Variants in ANKRD26 observed in about 807,000 individuals in gnomAD.
ANKRD26 encodes ankyrin repeat domain 26, also known as ankyrin repeat domain-containing protein 26.
In ANKRD26, 141 loss-of-function variants were observed where a neutral mutation model predicts 208.7. The ratio of observed to expected loss-of-function variants is 0.68; its 90% confidence interval spans 0.59 to 0.78. The LOEUF (loss-of-function observed/expected upper bound fraction) is 0.78, where lower values mean the gene tolerates loss of function less well. Ranked by LOEUF, ANKRD26 falls within the 30% of genes least tolerant of loss-of-function variation. The pLI, the probability that ANKRD26 is intolerant of heterozygous loss-of-function variation, is 0.00. For synonymous variants in ANKRD26, 636 were observed against 660.4 expected, an observed-to-expected ratio of 0.96 and a Z score of 0.57; for missense variants, 1,889 against 1,938.7, an observed-to-expected ratio of 0.97 and a Z score of 0.48.
At chr10:26,967,721 T>G in the ANKRD26 span, among the ~76,000 whole-genome samples, 1 of 152,176 alleles carries the variant, frequency 6.6e-6, no homozygotes, top group African/African-American at 2.4e-5. Context: ...CCCAAACTTG[T>G]ACATCCTACC....
chr10:27,056,169 A>T (rs2135408146), intron 15 of ANKRD26, among the ~76,000 whole-genome samples: 1 of 152,220 alleles, frequency 6.6e-6, no homozygotes, highest in South Asian at 2.1e-4. Context: ...TTCGCTAAAA[A>T]TGATTCTTTT....
chr10:27,003,997 T>C (rs1339488271), downstream of ANKRD26: 1 of 152,212 alleles, frequency 6.6e-6, no homozygotes. Context: ...GATATTAACA[T>C]TGAACCAGTG....
At chr10:27,053,255 C>T in intron 16 of ANKRD26, 65 bp downstream of exon 16, 1 of 1,142,488 alleles carries the variant, frequency 8.8e-7, no homozygotes, top group East Asian at 2.4e-5. Context: ...TTCATTTGGA[C>T]TATGTTACAT....
Position 27,060,837 on chromosome 10 carries a change from G to A in ANKRD26, c.1463-297C>T, listed in dbSNP as rs188442623. On this transcript the variant is annotated intron_variant, in intron 13 of 33. Coordinates refer to ENST00000376087, the MANE Select transcript of ANKRD26 (RefSeq NM_014915.3). ...ATATACCAATGTGAGCATGCTGGTC[G>A]ATGTGGAGAAAAGTAATCTTTAATT... is the stretch of plus-strand genomic sequence containing the variant. Among the ~76,000 whole-genome samples, 28 of 152,298 alleles carry A rather than the reference G, an allele frequency of 1.8e-4. No individual in the cohort carries two copies. In the East Asian group the frequency reaches 4.6e-3, roughly 25 times the overall value.
At chr10:27,048,568 C>CT (rs1431236717) in intron 17 of ANKRD26, among the ~76,000 whole-genome samples, 1 of 151,968 alleles carries the variant, frequency 6.6e-6, no homozygotes, top group Non-Finnish European at 1.5e-5. Flanking sequence ...ATGAGAATGC[C>CT]TTTTTTCTCA....
intron 17 of ANKRD26, among the ~76,000 whole-genome samples, chr10:27,048,431 A>G (rs1441380676): frequency 6.6e-6 from 1 of 152,192 alleles, no homozygotes; most frequent in African/African-American, 2.4e-5. Flanking sequence ...TATGTAAGTC[A>G]TATTTTCCTG....
In ANKRD26 at chr10:27,017,594, G is replaced by C; in HGVS notation, c.4414C>G (p.Leu1472Val). Residue 1472 changes from leucine (L) to valine (V), a missense_variant, in exon 30 of 34, where the codon CTT becomes GTT. By Grantham distance (32) the Leu-to-Val change is conservative. Coordinates refer to ENST00000376087, the MANE Select transcript of ANKRD26 (RefSeq NM_014915.3). ...TGTTTATACTGTTTGACTTGACCAA[G>C]TTCTACCATATTCCTTTCTATATGA... ...RSHIERNMVE[L>V]GQVKQYKQEI... 2.5e-6 allele frequency: 4 copies of C among 1,613,584 alleles called. No homozygotes were observed. In the South Asian group the frequency reaches 3.3e-5, roughly 13 times the overall value.
chr10:27,047,618 T>C (rs1215172704), intron 17 of ANKRD26, among the ~76,000 whole-genome samples: 2 of 151,644 alleles, frequency 1.3e-5, no homozygotes, highest in South Asian at 2.1e-4. Flanking sequence ...CAAAACTCCA[T>C]CTCAAAGAAA....
chr10:26,961,499 A>G, the ANKRD26 span, among the ~76,000 whole-genome samples: 10,016 of 152,072 alleles, frequency 0.066, 436 homozygotes, highest in Non-Finnish European at 0.095. Flanking sequence ...CAATGGGACC[A>G]TCCTGGGTGA....
chr10:27,065,031 A>G (rs2055190596), intron 11 of ANKRD26, among the ~76,000 whole-genome samples: 1 of 152,206 alleles, frequency 6.6e-6, no homozygotes, highest in African/African-American at 2.4e-5. Flanking sequence ...AGATTTGAAG[A>G]TTGTGCCCTC....
At chr10:27,023,560 T>G (rs1445743491) in intron 28 of ANKRD26, among the ~76,000 whole-genome samples, 1 of 150,518 alleles carries the variant, frequency 6.6e-6, no homozygotes, top group Non-Finnish European at 1.5e-5. Context: ...ACAGGCAGAG[T>G]TTTAGAAGAA....
the ANKRD26 span, among the ~76,000 whole-genome samples, chr10:26,962,440 T>C: frequency 6.6e-6 from 1 of 151,980 alleles, no homozygotes; most frequent in Non-Finnish European, 1.5e-5. Context: ...CCAGGCGTGG[T>C]GGCGGGTGCC....
intron 4 of ANKRD26, among the ~76,000 whole-genome samples, chr10:26,996,970 C>T (rs2052607053): frequency 6.6e-6 from 1 of 151,974 alleles, no homozygotes; most frequent in Non-Finnish European, 1.5e-5. Flanking sequence ...GGTACATTGT[C>T]AGGATGTTTC....
At chr10:27,016,287 C>A (rs2053288502) in intron 30 of ANKRD26, among the ~76,000 whole-genome samples, 1 of 152,008 alleles carries the variant, frequency 6.6e-6, no homozygotes, top group South Asian at 2.1e-4. Flanking sequence ...CCATGCCCAG[C>A]CTAATTTGTT....
intron 25 of ANKRD26, among the ~76,000 whole-genome samples, 157 bp from the exon 26 acceptor site, chr10:27,029,513 C>T (rs930673628): frequency 1.3e-5 from 2 of 152,290 alleles, no homozygotes; most frequent in South Asian, 2.1e-4. Context: ...TAGAGCTGAT[C>T]TGTTGCAGCA....
chr10:27,040,987 C>T (rs1004738975), intron 20 of ANKRD26, among the ~76,000 whole-genome samples: 5 of 150,188 alleles, frequency 3.3e-5, no homozygotes, highest in East Asian at 2.0e-4. Context: ...GCTGAGATTG[C>T]GCCACTGTAC....
In ANKRD26 at chr10:27,083,234, A is replaced by G. The variant is rs2055993046; in HGVS notation, c.710-401T>C. 3.9e-5 allele frequency among the ~76,000 whole-genome samples: 6 copies of G among 152,236 alleles called. No individual in the cohort carries two copies. The South Asian group carries it at 1.2e-3, about 32-fold the overall frequency. ...TACTCCTGGAAATATAAACATATTT[A>G]CTTAATGTGTTATTTACTTAATATA... is the stretch of plus-strand genomic sequence containing the variant. On this transcript the variant is annotated intron_variant, in intron 5 of 33. Coordinates refer to ENST00000376087, the MANE Select transcript of ANKRD26 (RefSeq NM_014915.3).
Position 27,014,623 on chromosome 10 carries a change from T to A in ANKRD26, c.4595A>T (p.Asp1532Val). The A allele has an allele frequency of 6.2e-7, 1 of 1,613,102 alleles. No homozygotes were observed. The highest frequency in any genetic ancestry group is 8.5e-7 in the Non-Finnish European group (1 of 1,179,582). ...MKSQMELRIK[D>V]LESELSKIKT... ...TATTTTGGAGAGTTCAGATTCCAGA[T>A]CTTTAATTCTGAGTTCCATCTGACT... is the stretch of plus-strand genomic sequence containing the variant. The change falls in exon 31 of 34, where the codon GAT becomes GTT. Residue 1532 changes from aspartate (D) to valine (V), a missense_variant. Asp to Val is a radical substitution (Grantham distance 152). Transcript: ENST00000376087.
At chr10:27,058,716 C>G (rs1251934538) in intron 15 of ANKRD26, among the ~76,000 whole-genome samples, 1 of 151,634 alleles carries the variant, frequency 6.6e-6, no homozygotes, top group Non-Finnish European at 1.5e-5. Flanking sequence ...GCTGGGGTTA[C>G]AGGCATGTGC....
Sources: allele counts gnomAD v4.1 joint callset (sites outside exome capture counted in the v4.1 genomes callset), GRCh38; gene constraint gnomAD v4.1.1; transcripts MANE v1.5; gene names NCBI Gene and HGNC (gene_info 2026-07-23, HGNC 2026-07-21).